The following TMEM243 variants were observed in gnomAD, a reference collection of about 807,000 sequenced individuals.
TMEM243 encodes the protein transmembrane protein 243.
A neutral mutation model predicts 15.0 loss-of-function variants in TMEM243; 20 were observed. The ratio of observed to expected loss-of-function variants is 1.33; its 90% CI spans 0.94 to 1.93. TMEM243 has a LOEUF of 1.93. TMEM243 is among the 30% of genes most tolerant of loss of function. The pLI is 0.00. For synonymous variants in TMEM243, 72 were observed against 52.7 expected, an observed-to-expected ratio of 1.37 and a Z score of -1.59; for missense variants, 156 against 142.1, an observed-to-expected ratio of 1.10 and a Z score of -0.50.
At chr7:87,210,668 A>C (rs1010181956) in intron 1 of TMEM243, among the ~76,000 whole-genome samples, 11 of 152,204 alleles carry the variant, frequency 7.2e-5, no homozygotes, top group African/African-American at 2.7e-4. Flanking sequence ...TAATGCAAGG[A>C]GTGGGCTCCT....
chr7:87,209,562 ATGAG>A (rs1367919188), intron 1 of TMEM243, among the ~76,000 whole-genome samples: 2 of 111,538 alleles, frequency 1.8e-5, no homozygotes, highest in Non-Finnish European at 1.9e-5. Flanking sequence ...GAGAGAGACA[ATGAG>A]AGAGAGACAG....
intron 2 of TMEM243, chr7:87,198,440 T>C (rs1001103388): frequency 5.7e-6 from 1 of 176,174 alleles, no homozygotes; most frequent in African/African-American, 2.4e-5. Context: ...GAAAGACTTC[T>C]AATGTTGTAT....
intron 2 of TMEM243, chr7:87,198,311 C>CTTA (rs1801522511): frequency 2.9e-6 from 1 of 350,504 alleles, no homozygotes; most frequent in Non-Finnish European, 5.1e-6. Flanking sequence ...TTAACTAAAC[C>CTTA]TCACTCCCAG....
intron 1 of TMEM243, among the ~76,000 whole-genome samples, chr7:87,216,285 A>G (rs1412526699): frequency 2.6e-5 from 4 of 151,334 alleles, no homozygotes; most frequent in Admixed American, 6.6e-5. Context: ...AAAAAAAAAA[A>G]AAAAAAAAAA....
At position 87,197,935 on chromosome 7, in the gene TMEM243, A is replaced by G; in HGVS notation, c.234+6T>C. 1.9e-6 allele frequency: 3 copies of G among 1,613,136 alleles called. 1 individual carries two copies. In the South Asian group the frequency reaches 3.3e-5, roughly 18 times the overall value. On this transcript the variant is annotated splice_donor_region_variant and intron_variant, in intron 3 of 3. Transcript: ENST00000257637. ...GAACACTGTTTAAATTCTCAACAGT[A>G]CTTACAAGTATGCAGGCAGTAATAC...
At chr7:87,219,331 T>C in intron 1 of TMEM243, 95 bp downstream of exon 1, 1 of 1,254,908 alleles carries the variant, frequency 8.0e-7, no homozygotes, top group Admixed American at 1.8e-5. Flanking sequence ...TAAAAGTGCT[T>C]TTAGGAGCCG....
chr7:87,207,762 C>T (rs1056875649), intron 1 of TMEM243, among the ~76,000 whole-genome samples: 1 of 152,174 alleles, frequency 6.6e-6, no homozygotes, highest in African/African-American at 2.4e-5. Flanking sequence ...TCTTTCTCCT[C>T]AGACAGCATC....
chr7:87,211,300 C>T (rs1177709298), intron 1 of TMEM243, among the ~76,000 whole-genome samples: 4 of 152,282 alleles, frequency 2.6e-5, no homozygotes, highest in African/African-American at 7.2e-5. Flanking sequence ...TCCCTACCCA[C>T]GAGTTCCTCA....
intron 1 of TMEM243, among the ~76,000 whole-genome samples, chr7:87,209,416 G>A (rs554661685): frequency 6.6e-5 from 10 of 151,998 alleles, no homozygotes; most frequent in South Asian, 6.2e-4. Flanking sequence ...ATGAGAGAGC[G>A]AGAGTGAAAG....
intron 1 of TMEM243, among the ~76,000 whole-genome samples, chr7:87,204,859 G>A (rs1050011598): frequency 2.0e-5 from 3 of 152,224 alleles, no homozygotes; most frequent in Non-Finnish European, 4.4e-5. Flanking sequence ...GACTCTGTAT[G>A]GGAGCTTCAA....
At chr7:87,202,079 AC>A (rs776509748) in intron 1 of TMEM243, among the ~76,000 whole-genome samples, 55 of 152,208 alleles carry the variant, frequency 3.6e-4, no homozygotes, top group Non-Finnish European at 6.0e-4. Context: ...TTGAGATTTC[AC>A]CTATATCATC....
chr7:87,211,293 C>T (rs1027120648), intron 1 of TMEM243, among the ~76,000 whole-genome samples: 1 of 152,202 alleles, frequency 6.6e-6, no homozygotes, highest in South Asian at 2.1e-4. Context: ...CTTACCCTCC[C>T]TACCCACGAG....
chr7:87,211,105 A>G (rs1802712199), intron 1 of TMEM243, among the ~76,000 whole-genome samples: 1 of 152,162 alleles, frequency 6.6e-6, no homozygotes, highest in African/African-American at 2.4e-5. Flanking sequence ...AAGCTCTCTG[A>G]AATTCCCTGG....
chr7:87,209,550 A>AGG (rs1802488374), intron 1 of TMEM243, among the ~76,000 whole-genome samples: 1 of 18,446 alleles, frequency 5.4e-5, no homozygotes, highest in African/African-American at 4.2e-4. Context: ...GTGAGAGACA[A>AGG]TGAGAGAGAC....
chr7:87,213,929 A>G (rs558056985), intron 1 of TMEM243, among the ~76,000 whole-genome samples: 9 of 152,288 alleles, frequency 5.9e-5, no homozygotes, highest in African/African-American at 2.2e-4. Context: ...CAGTGTATGT[A>G]CCTTCTCCCC....
At chr7:87,218,748 G>A (rs1270536106) in intron 1 of TMEM243, 1 of 152,184 alleles carries the variant, frequency 6.6e-6, no homozygotes, top group Non-Finnish European at 1.5e-5. Context: ...AATAAACCAG[G>A]CAGATCTTGC....
chr7:87,198,805 G>A (rs1310896494), intron 2 of TMEM243: 5 of 481,744 alleles, frequency 1.0e-5, no homozygotes, highest in Admixed American at 3.9e-5. Context: ...ATCTTAAAAC[G>A]AAGTTGTCTG....
intron 1 of TMEM243, among the ~76,000 whole-genome samples, chr7:87,200,469 CAAG>C (rs1801712676): frequency 6.6e-6 from 1 of 152,128 alleles, no homozygotes; most frequent in Non-Finnish European, 1.5e-5. Context: ...TTTTGAGAAG[CAAG>C]AATATCTGCT....
chr7:87,200,643 A>G (rs1801730043), intron 1 of TMEM243, among the ~76,000 whole-genome samples: 1 of 152,196 alleles, frequency 6.6e-6, no homozygotes, highest in African/African-American at 2.4e-5. Flanking sequence ...AAGGATATTA[A>G]CTATGCCAAG....
Sources: allele counts gnomAD v4.1 joint callset (sites outside exome capture counted in the v4.1 genomes callset), GRCh38; gene constraint gnomAD v4.1.1; transcripts MANE v1.5; gene names NCBI Gene and HGNC (gene_info 2026-07-23, HGNC 2026-07-21).